The following DPP8 variants were observed in gnomAD, a reference collection of about 807,000 sequenced individuals.
DPP8 encodes the protein dipeptidyl peptidase 8, also known as DPP VIII.
Under a neutral mutation model 107.5 loss-of-function variants are expected in DPP8, and 31 were observed. The observed-to-expected ratio is 0.29, with a 90% confidence interval of 0.22 to 0.39. The LOEUF is 0.39. Among genes scored for constraint, DPP8 ranks in the 10% least tolerant of loss-of-function variants. The pLI, the probability that DPP8 is intolerant of heterozygous loss-of-function variation, is 1.00. For synonymous variants in DPP8, 381 were observed against 356.6 expected (o/e 1.07, Z -0.77); for missense variants, 842 against 1,076.1 (o/e 0.78, Z 3.04).
rs1293769522 is a variant in DPP8 at position 65,478,919 on chromosome 15, T to C, written c.1417A>G (p.Ser473Gly). Residue 473 changes from serine to glycine, a missense_variant, in exon 11 of 20, where the codon AGC (serine) becomes GGC (glycine). Around this residue, in one of 2 missense-constraint regions of DPP8, gnomAD observed 663 missense variants for 758.0 expected, o/e 0.87. Coordinates refer to ENST00000300141, the MANE Select transcript of DPP8 (RefSeq NM_130434.5). ...LYKITSILKE[S>G]KYKRSSGGLP... Reference sequence around the variant, plus strand: ...CCACCACTGGATCGTTTATATTTGCTTTCCTTTAAAATAGATGTAATTTTG... The same window carrying C: ...CCACCACTGGATCGTTTATATTTGCCTTCCTTTAAAATAGATGTAATTTTG... The C allele has an allele frequency of 1.3e-6, 2 of 1,589,454 alleles. No individual in the cohort carries two copies. The highest frequency in any genetic ancestry group is 1.7e-6 in the Non-Finnish European group (2 of 1,171,790).
At chr15:65,499,070 AGTGTGT>A (rs56047613) in intron 4 of DPP8, among the ~76,000 whole-genome samples, 188 of 129,762 alleles carry the variant, frequency 1.4e-3, no homozygotes, top group South Asian at 6.7e-3. Context: ...CCAAAAAAAA[AGTGTGT>A]GTGTGTGTGT....
intron 8 of DPP8, 104 bp from the exon 9 acceptor site, chr15:65,481,719 C>G: frequency 1.5e-6 from 1 of 665,178 alleles, no homozygotes; most frequent in Non-Finnish European, 2.4e-6. Flanking sequence ...AAAATTTTTC[C>G]AGAGTTAGGT....
rs1027826998 is a variant in DPP8 at position 65,444,919 on chromosome 15, C to G, written c.*1965G>C. The G allele has an allele frequency of 6.6e-6, 1 of 152,200 alleles. No homozygotes were observed. Among genetic ancestry groups the G allele is most frequent in the Non-Finnish European group, 1.5e-5 (1 of 68,068 alleles). The allele number at this position is 152,200 out of a possible 1,614,324, so 9.4% of individuals were successfully genotyped here. A position where few individuals can be genotyped will look rare whatever the true frequency, so the allele number is the denominator to read the frequency against. ...ACAAAACAAAACAAAACACCCTCCA[C>G]AGTCAGATATATACTTAAGGGGGAA... is the stretch of plus-strand genomic sequence containing the variant. On this transcript the variant is annotated 3_prime_UTR_variant, in exon 20 of 20. Coordinates refer to ENST00000300141, the MANE Select transcript of DPP8 (RefSeq NM_130434.5).
chr15:65,494,698 T>TA (rs1186815901), intron 5 of DPP8, among the ~76,000 whole-genome samples: 1 of 146,776 alleles, frequency 6.8e-6, no homozygotes, highest in African/African-American at 2.5e-5. Context: ...CCAAAACAGA[T>TA]TTACTAACTA....
chr15:65,465,062 A>G (rs976710447), intron 14 of DPP8, among the ~76,000 whole-genome samples: 3 of 152,160 alleles, frequency 2.0e-5, no homozygotes, highest in African/African-American at 7.2e-5. Context: ...TACAGCAGAT[A>G]ATTTACAGTC....
At chr15:65,450,124 T>C (rs2063868529) in intron 19 of DPP8, among the ~76,000 whole-genome samples, 1 of 103,864 alleles carries the variant, frequency 9.6e-6, no homozygotes, top group Non-Finnish European at 2.0e-5. Flanking sequence ...TGAGCCACCA[T>C]GCCTGACTAA....
At chr15:65,494,642 A>C (rs1446243756) in intron 5 of DPP8, among the ~76,000 whole-genome samples, 1 of 62,654 alleles carries the variant, frequency 1.6e-5, no homozygotes, top group Non-Finnish European at 3.3e-5. Flanking sequence ...GTCTCAAAAA[A>C]ATTGAAAAAA....
intron 6 of DPP8, among the ~76,000 whole-genome samples, chr15:65,488,727 G>A (rs953786017): frequency 6.6e-6 from 1 of 151,310 alleles, no homozygotes; most frequent in African/African-American, 2.4e-5. Context: ...TATCTATACA[G>A]TATATGTATT....
chr15:65,478,276 T>C (rs1199769006), intron 11 of DPP8, among the ~76,000 whole-genome samples: 2 of 152,212 alleles, frequency 1.3e-5, no homozygotes, highest in Admixed American at 6.5e-5. Flanking sequence ...TTTTTTTCTG[T>C]TGAGACAGAG....
At chr15:65,466,247 T>G (rs2065339671) in intron 14 of DPP8, among the ~76,000 whole-genome samples, 1 of 152,152 alleles carries the variant, frequency 6.6e-6, no homozygotes, top group African/African-American at 2.4e-5. Flanking sequence ...CAAGTGATTC[T>G]CATGCCTCAG....
chr15:65,496,215 C>T (rs968125061), intron 5 of DPP8, among the ~76,000 whole-genome samples: 1 of 152,034 alleles, frequency 6.6e-6, no homozygotes, highest in Non-Finnish European at 1.5e-5. Context: ...GATCTCTTGA[C>T]CTCGTGATCT....
intron 11 of DPP8, chr15:65,475,440 C>T: frequency 1.9e-6 from 3 of 1,570,178 alleles, no homozygotes; most frequent in Non-Finnish European, 2.6e-6. Context: ...TTATGGCATT[C>T]AGGGAGCCAG....
chr15:65,498,835 C>T (rs2068865273), intron 4 of DPP8, among the ~76,000 whole-genome samples: 1 of 152,034 alleles, frequency 6.6e-6, no homozygotes. Context: ...AAGAGGATCA[C>T]TTGAGCCTAA....
chr15:65,478,617 C>G (rs986972885), intron 11 of DPP8, among the ~76,000 whole-genome samples: 4 of 151,988 alleles, frequency 2.6e-5, no homozygotes, highest in African/African-American at 9.7e-5. Context: ...GCAGTCAAGG[C>G]AAAAGTAAAA....
At chr15:65,510,237 G>C (rs1175471780) in intron 2 of DPP8, among the ~76,000 whole-genome samples, 1 of 152,118 alleles carries the variant, frequency 6.6e-6, no homozygotes, top group African/African-American at 2.4e-5. Flanking sequence ...GATCACTTCA[G>C]CCTGGGAGGT....
Position 65,467,191 on chromosome 15 carries a change from A to G in DPP8, c.1569T>C (p.Tyr523=). 1 of 1,614,182 alleles carries G rather than the reference A, an allele frequency of 6.2e-7. No homozygotes were observed. Residue 523 remains tyrosine, a synonymous_variant, in exon 13 of 20, where the codon TAT becomes TAC. Transcript: ENST00000300141. ...IQVDEVRRLV[Y]FEGTKDSPLE... ...AAGGGGAGTCTTTGGTGCCTTCAAA[A>G]TATACCAGCCTTCTGACTTCATCAA...
intron 19 of DPP8, among the ~76,000 whole-genome samples, chr15:65,449,102 C>T (rs1024593830): frequency 5.6e-5 from 8 of 143,956 alleles, no homozygotes; most frequent in South Asian, 4.3e-4. Flanking sequence ...CCCAGCTACT[C>T]GGGAGGCTGA....
intron 1 of DPP8, among the ~76,000 whole-genome samples, chr15:65,513,394 A>G (rs2071052099): frequency 6.6e-6 from 1 of 152,096 alleles, no homozygotes; most frequent in Non-Finnish European, 1.5e-5. Flanking sequence ...TTGTATTTTT[A>G]GTAGAGATGG....
intron 15 of DPP8, among the ~76,000 whole-genome samples, chr15:65,463,333 G>A (rs2065072591): frequency 6.6e-6 from 1 of 152,176 alleles, no homozygotes; most frequent in Non-Finnish European, 1.5e-5. Flanking sequence ...GAGGTCAGGA[G>A]TTGGAGACCA....
Sources: allele counts gnomAD v4.1 joint callset (sites outside exome capture counted in the v4.1 genomes callset), GRCh38; gene constraint gnomAD v4.1.1; regional missense constraint gnomAD v4.1.1; transcripts MANE v1.5; gene names NCBI Gene and HGNC (gene_info 2026-07-23, HGNC 2026-07-21).